The following TMEM242 variants were observed in gnomAD, a reference collection of about 807,000 sequenced individuals.
The protein encoded by TMEM242 is transmembrane protein 242, also known as UPF0463 transmembrane protein C6orf35.
A neutral mutation model predicts 18.2 loss-of-function variants in TMEM242; 10 were observed. That is an observed-to-expected ratio of 0.55 (90% confidence interval 0.34 to 0.93). TMEM242 has a LOEUF of 0.93. TMEM242 is among the 40% of genes least tolerant of loss of function. TMEM242 has a pLI of 0.02. For missense variants in TMEM242, 186 were observed against 175.5 expected (o/e 1.06, Z -0.34); for synonymous variants, 57 against 69.9 (o/e 0.81, Z 0.92).
At chr6:157,295,324 A>G (rs1777737208) in intron 3 of TMEM242, among the ~76,000 whole-genome samples, 1 of 152,216 alleles carries the variant, frequency 6.6e-6, no homozygotes. Context: ...CAAAACATTA[A>G]TATCACCCCC....
At chr6:157,311,880 T>C (rs797043831) in intron 3 of TMEM242, among the ~76,000 whole-genome samples, 2 of 37,090 alleles carry the variant, frequency 5.4e-5, no homozygotes, top group Admixed American at 3.1e-4. Context: ...AGCCTCATCA[T>C]AGTGTTCCAG....
At chr6:157,301,576 T>C (rs1238733473) in intron 3 of TMEM242, among the ~76,000 whole-genome samples, 3 of 152,176 alleles carry the variant, frequency 2.0e-5, no homozygotes, top group African/African-American at 7.2e-5. Context: ...CCTCCCAAAG[T>C]GTTGGGATTA....
At chr6:157,311,235 AGTGT>A (rs1778066204) in intron 3 of TMEM242, among the ~76,000 whole-genome samples, 1 of 114,422 alleles carries the variant, frequency 8.7e-6, no homozygotes, top group Non-Finnish European at 1.9e-5. Context: ...GCCTCATCAT[AGTGT>A]CCCAGTGTGC....
At chr6:157,312,908 G>C (rs1583570365) in intron 3 of TMEM242, among the ~76,000 whole-genome samples, 7 of 99,798 alleles carry the variant, frequency 7.0e-5, no homozygotes, top group East Asian at 2.6e-4. Flanking sequence ...GTCCCACTGT[G>C]CGCTCACCCG....
At chr6:157,309,557 T>G (rs587596934) in intron 3 of TMEM242, among the ~76,000 whole-genome samples, 130 of 152,102 alleles carry the variant, frequency 8.5e-4, no homozygotes, top group African/African-American at 3.0e-3. Context: ...CCTGGCTAAT[T>G]TTTAAAATTT....
chr6:157,289,821 T>C lies in TMEM242; in HGVS notation c.*3080A>G, dbSNP rs1442363255. 1 of 152,072 alleles carries C rather than the reference T, an allele frequency of 6.6e-6. No homozygotes were observed. Among genetic ancestry groups the C allele is most frequent in the Non-Finnish European group, 1.5e-5 (1 of 68,006 alleles). The allele number at this position is 152,072 out of a possible 1,614,324, so 9.4% of individuals were successfully genotyped here. A position where few individuals can be genotyped will look rare whatever the true frequency, so the allele number is the denominator to read the frequency against. On this transcript the variant is annotated 3_prime_UTR_variant, in exon 4 of 4. Coordinates refer to ENST00000400788, the MANE Select transcript of TMEM242 (RefSeq NM_018452.6). ...AGCCCAGGTGATTCGATGCCACCTT[T>C]TGACTAAGCAGGCAAAGTGCCCTTA...
At chr6:157,299,696 G>A (rs1350434745) in intron 3 of TMEM242, 3 of 1,610,580 alleles carry the variant, frequency 1.9e-6, no homozygotes, top group East Asian at 2.2e-5. Context: ...ATTAAGGCGC[G>A]TTTCTCCCTT....
chr6:157,321,040 G>A (rs1376549422), intron 2 of TMEM242, among the ~76,000 whole-genome samples: 1 of 130,394 alleles, frequency 7.7e-6, no homozygotes, highest in African/African-American at 3.0e-5. Flanking sequence ...ACGGAGTCTC[G>A]CTCTGTCACC....
rs1407358284 is a variant in TMEM242, at chr6:157,289,679, A to G, written c.*3222T>C. ...ATGGATTTTAATTACTTTTATCCCC[A>G]TGGGCTCCCCGTCCCCCCACCCCCA... On this transcript the variant is annotated 3_prime_UTR_variant, in exon 4 of 4. Coordinates refer to ENST00000400788, the MANE Select transcript of TMEM242 (RefSeq NM_018452.6). 1 of 152,086 alleles carries G rather than the reference A, an allele frequency of 6.6e-6. No homozygotes were observed. The highest frequency in any genetic ancestry group is 2.4e-5 in the African/African-American group (1 of 41,428). The allele number at this position is 152,086 out of a possible 1,614,324, so 9.4% of individuals were successfully genotyped here. A position where few individuals can be genotyped will look rare whatever the true frequency, so the allele number is the denominator to read the frequency against.
intron 3 of TMEM242, among the ~76,000 whole-genome samples, chr6:157,314,969 GATTCA>G (rs587699065): frequency 4.5e-4 from 68 of 152,256 alleles, no homozygotes; most frequent in African/African-American, 1.6e-3. Context: ...TTCTATCAGA[GATTCA>G]ATTCAATTCG....
intron 3 of TMEM242, among the ~76,000 whole-genome samples, chr6:157,304,130 G>A (rs141651178): frequency 7.0e-4 from 106 of 152,176 alleles, no homozygotes; most frequent in African/African-American, 2.5e-3. Flanking sequence ...CATTAAAAAG[G>A]AAAACTTATA....
chr6:157,297,738 A>G (rs1348795368), intron 3 of TMEM242, among the ~76,000 whole-genome samples: 2 of 152,214 alleles, frequency 1.3e-5, no homozygotes, highest in African/African-American at 4.8e-5. Flanking sequence ...GCAGATACTG[A>G]TATTTTCACT....
chr6:157,317,909 C>G (rs1386211761), intron 3 of TMEM242, among the ~76,000 whole-genome samples: 1 of 152,202 alleles, frequency 6.6e-6, no homozygotes, highest in Non-Finnish European at 1.5e-5. Context: ...CCACCTATCT[C>G]AAACTACTGC....
At chr6:157,310,095 G>C (rs1250738901) in intron 3 of TMEM242, among the ~76,000 whole-genome samples, 3 of 152,110 alleles carry the variant, frequency 2.0e-5, no homozygotes, top group Non-Finnish European at 4.4e-5. Context: ...CTAAGGGGAG[G>C]AAAAAACTCA....
chr6:157,320,596 AAGT>A (rs1368469822), intron 2 of TMEM242, among the ~76,000 whole-genome samples: 1 of 151,880 alleles, frequency 6.6e-6, no homozygotes, highest in Non-Finnish European at 1.5e-5. Flanking sequence ...TCAGCCTCCC[AAGT>A]AGCTGGGATT....
At chr6:157,322,952 C>G in intron 1 of TMEM242, 147 bp from the exon 2 acceptor site, 1 of 691,750 alleles carries the variant, frequency 1.4e-6, no homozygotes, top group East Asian at 2.7e-5. Flanking sequence ...CTAAGCAGCT[C>G]TTGCTAACAG....
intron 2 of TMEM242, among the ~76,000 whole-genome samples, chr6:157,322,370 AT>A (rs1460310362): frequency 6.6e-6 from 1 of 152,118 alleles, no homozygotes; most frequent in Non-Finnish European, 1.5e-5. Flanking sequence ...ACCTCAGGTG[AT>A]CTGCCCCTCT....
intron 3 of TMEM242, among the ~76,000 whole-genome samples, chr6:157,308,774 T>C (rs1777950778): frequency 6.6e-6 from 1 of 152,096 alleles, no homozygotes; most frequent in African/African-American, 2.4e-5. Context: ...TGGATTACTT[T>C]CTATCAATCA....
chr6:157,309,187 C>T (rs1167370855), intron 3 of TMEM242, among the ~76,000 whole-genome samples: 1 of 152,084 alleles, frequency 6.6e-6, no homozygotes, highest in Non-Finnish European at 1.5e-5. Flanking sequence ...TATGAATATG[C>T]CTACACAAGA....
Sources: allele counts gnomAD v4.1 joint callset (sites outside exome capture counted in the v4.1 genomes callset), GRCh38; gene constraint gnomAD v4.1.1; transcripts MANE v1.5; gene names NCBI Gene and HGNC (gene_info 2026-07-23, HGNC 2026-07-21).